BMS1: variants seen among roughly 807,000 people sequenced by gnomAD.
BMS1 encodes BMS1 ribosome biogenesis factor.
In BMS1, 53 loss-of-function variants were observed where a neutral mutation model predicts 138.7. The observed-to-expected ratio is 0.38, with a 90% CI of 0.31 to 0.48. The LOEUF (loss-of-function observed/expected upper bound fraction) is 0.48, where lower values mean the gene tolerates loss of function less well. Among genes scored for constraint, BMS1 ranks in the 20% least tolerant of loss-of-function variants. The pLI is 0.97. For synonymous variants in BMS1, 504 were observed against 539.9 expected, an observed-to-expected ratio of 0.93 and a Z score of 0.92; for missense variants, 1,360 against 1,565.5, an observed-to-expected ratio of 0.87 and a Z score of 2.22.
At chr10:42,794,406 C>T (rs1338665098) in intron 9 of BMS1, among the ~76,000 whole-genome samples, 1 of 151,870 alleles carries the variant, frequency 6.6e-6, no homozygotes, top group Non-Finnish European at 1.5e-5. Flanking sequence ...GGTAGGTTTC[C>T]GTGGATGTAT....
chr10:42,792,556 A>G lies in BMS1; in HGVS notation c.843A>G (p.Ser281=), dbSNP rs747696216. Residue 281 remains serine (S), a synonymous_variant, in exon 7 of 23, where the codon TCA becomes TCG. Coordinates refer to ENST00000374518, the MANE Select transcript of BMS1 (RefSeq NM_014753.4). Reference sequence around the variant, plus strand: ...ACATCAAATGTGACCGGAAGGTGTCACTTTATGGTTATTTAAGAGGAGCAC... The same window carrying G: ...ACATCAAATGTGACCGGAAGGTGTCGCTTTATGGTTATTTAAGAGGAGCAC... ...RTNIKCDRKV[S]LYGYLRGAHL... 6.8e-6 allele frequency: 11 copies of G among 1,611,636 alleles called. No homozygotes were observed. In the South Asian group the frequency reaches 9.9e-5, roughly 14 times the overall value.
rs1325042860 is a variant in BMS1, at chr10:42,797,162, G to A, written c.1918G>A (p.Asp640Asn). 2 of 1,613,508 alleles carry A rather than the reference G, an allele frequency of 1.2e-6. No individual in the cohort carries two copies. The highest frequency in any genetic ancestry group is 8.5e-7 in the Non-Finnish European group (1 of 1,179,872). ...GPQNFIDETSDIENLLKEEED... is the reference protein window; with the variant it reads ...GPQNFIDETSNIENLLKEEED... ...ACAGAACTTCATTGATGAGACCAGTGATATAGAAAATTTACTCAAAGAGGA... is the reference window on the plus strand; with the variant it reads ...ACAGAACTTCATTGATGAGACCAGTAATATAGAAAATTTACTCAAAGAGGA... Residue 640 changes from aspartate (D) to asparagine (N), a missense_variant, in exon 10 of 23, where the codon GAT becomes AAT. By Grantham distance (23) the Asp-to-Asn change is conservative (BLOSUM62 1). This residue lies in a region of BMS1 where 697 missense variants were observed against 686.2 expected (regional missense o/e 1.02). Transcript: ENST00000374518.
intron 3 of BMS1, among the ~76,000 whole-genome samples, chr10:42,786,298 C>T (rs544092366): frequency 2.0e-5 from 3 of 152,210 alleles, no homozygotes; most frequent in South Asian, 2.1e-4. Flanking sequence ...GTGACCTTTC[C>T]GAGTTTGAGG....
chr10:42,797,284 A>G, intron 10 of BMS1, 53 bp downstream of exon 10: 2 of 1,577,886 alleles, frequency 1.3e-6, no homozygotes, highest in Non-Finnish European at 1.7e-6. Flanking sequence ...CGAAATGGTA[A>G]CCAAAGGAAT....
At chr10:42,824,066 G>C (rs1361902672) in intron 21 of BMS1, among the ~76,000 whole-genome samples, 2 of 152,064 alleles carry the variant, frequency 1.3e-5, no homozygotes. Flanking sequence ...GATACATATA[G>C]ATAGTAAACT....
At position 42,820,981 on chromosome 10, in the gene BMS1, A is replaced by G; in HGVS notation, c.2998A>G (p.Ser1000Gly). 3 of 1,589,354 alleles carry G rather than the reference A, an allele frequency of 1.9e-6. No individual in the cohort carries two copies. The highest frequency in any genetic ancestry group is 2.6e-6 in the Non-Finnish European group (3 of 1,168,622). The change falls in exon 18 of 23, where the codon AGT (serine) becomes GGT (glycine). Residue 1000 changes from serine (S) to glycine (G), a missense_variant. By Grantham distance (56) the Ser-to-Gly change is moderately conservative. Coordinates refer to ENST00000374518, the MANE Select transcript of BMS1 (RefSeq NM_014753.4). ...TGGTTTCTTGGCAATACAGTCTGTC[A>G]GTGGCATAATGGTAACTATCTTGGA... ...GTGFLAIQSV[S>G]GIMPDFRIAA...
At chr10:42,830,501 C>T in intron 22 of BMS1, 79 bp downstream of exon 22, 1 of 1,516,472 alleles carries the variant, frequency 6.6e-7, no homozygotes, top group Non-Finnish European at 8.8e-7. Flanking sequence ...CCTGTTTCTA[C>T]TGTAGTCTCA....
rs879940551 is a variant in BMS1 at position 42,811,520 on chromosome 10, C to CTTTTTTTTTTT, written c.2330-5074_2330-5073insTTTTTTTTTTT. Among the ~76,000 whole-genome samples, 9 of 121,582 alleles carry CTTTTTTTTTTT rather than the reference C, an allele frequency of 7.4e-5. 1 individual carries two copies. Among genetic ancestry groups the CTTTTTTTTTTT allele is most frequent in the African/African-American group, 2.0e-4 (6 of 29,874 alleles). 79.8% of individuals were successfully genotyped at this position (121,582 alleles called of 152,430 possible). A position where few individuals can be genotyped will look rare whatever the true frequency, so the allele number is the denominator to read the frequency against. On this transcript the variant is annotated intron_variant, in intron 13 of 22. Coordinates refer to ENST00000374518, the MANE Select transcript of BMS1 (RefSeq NM_014753.4). Reference sequence around the variant, plus strand: ...CACAAATGTTCACGTGTTGTATTTTCTTTTTCTTTTTTTTTTTTTTTTGAG... The same window carrying CTTTTTTTTTTT: ...CACAAATGTTCACGTGTTGTATTTTCTTTTTTTTTTTTTTTTCTTTTTTTTTTTTTTTTGAG...
chr10:42,802,027 C>A, intron 12 of BMS1, 110 bp from the exon 13 acceptor site: 2 of 729,864 alleles, frequency 2.7e-6, no homozygotes, highest in Non-Finnish European at 4.6e-6. Flanking sequence ...TGAGAATATC[C>A]ATGAAAGTGG....
intron 13 of BMS1, among the ~76,000 whole-genome samples, chr10:42,815,271 G>A (rs1211079042): frequency 6.6e-6 from 1 of 152,182 alleles, no homozygotes; most frequent in African/African-American, 2.4e-5. Context: ...GTTAAGGCAA[G>A]GAAAGTACTT....
At chr10:42,811,641 C>G (rs950804316) in intron 13 of BMS1, among the ~76,000 whole-genome samples, 2 of 146,300 alleles carry the variant, frequency 1.4e-5, no homozygotes, top group African/African-American at 5.1e-5. Flanking sequence ...TCTCCTGCCT[C>G]AGCCTCCCAA....
intron 14 of BMS1, 121 bp from the exon 15 acceptor site, chr10:42,817,197 T>C: frequency 3.8e-6 from 3 of 798,754 alleles, no homozygotes; most frequent in Non-Finnish European, 6.0e-6. Context: ...TCTTTTGTTT[T>C]ATTGATAATG....
chr10:42,787,680 C>T (rs1841379048), intron 4 of BMS1, among the ~76,000 whole-genome samples: 1 of 152,148 alleles, frequency 6.6e-6, no homozygotes, highest in African/African-American at 2.4e-5. Context: ...CTGTAGTTTA[C>T]ATAAGATGAA....
In BMS1 at chr10:42,796,672, G is replaced by T; in HGVS notation, c.1428G>T (p.Gln476His). 6.2e-7 allele frequency: 1 copy of T among 1,614,186 alleles called. No individual in the cohort carries two copies. The highest frequency in any genetic ancestry group is 1.3e-5 in the African/African-American group (1 of 75,036). ...AGGAAAATGCTGAGATGACTGATCA[G>T]TATATGGCTGTTAAGGGCATCAAAC... is the stretch of plus-strand genomic sequence containing the variant. ...EEEENAEMTD[Q>H]YMAVKGIKRR... Residue 476 changes from glutamine (Q) to histidine (H), a missense_variant, in exon 10 of 23, where the codon CAG (glutamine) becomes CAT (histidine). Gln to His is a conservative substitution (Grantham distance 24). Transcript: ENST00000374518.
chr10:42,790,644 A>G (rs890448896), intron 5 of BMS1, 133 bp downstream of exon 5: 13 of 1,008,208 alleles, frequency 1.3e-5, no homozygotes, highest in Middle Eastern at 2.3e-4. Context: ...ACTTGAGCCT[A>G]GAGTTTTGAG....
rs144727069 is a variant in BMS1 at position 42,824,534 on chromosome 10, C to T, written c.3456+750C>T. 6.0e-3 allele frequency among the ~76,000 whole-genome samples: 908 copies of T among 152,182 alleles called. 10 individuals carry two copies. The highest frequency in any genetic ancestry group is 0.021 in the African/African-American group (854 of 41,532). ...TACATTTGTAGCCTGGCTTGTGGTG[C>T]GATATCCAAAAAATTATTGCTAAGG... On this transcript the variant is annotated intron_variant, in intron 21 of 22. Coordinates refer to ENST00000374518, the MANE Select transcript of BMS1 (RefSeq NM_014753.4).
rs747527498 is a variant in BMS1 at position 42,820,297 on chromosome 10, G to T, written c.2642G>T (p.Arg881Leu). The T allele has an allele frequency of 3.1e-6, 5 of 1,613,572 alleles. No homozygotes were observed. The highest frequency in any genetic ancestry group is 4.2e-6 in the Non-Finnish European group (5 of 1,179,842). Residue 881 changes from arginine to leucine, a missense_variant, in exon 16 of 23, where the codon CGA becomes CTA. By Grantham distance (102) the Arg-to-Leu change is moderately radical (BLOSUM62 -2). Transcript: ENST00000374518. ...GCCAGAGTTCAGTATGAGGGTTTTC[G>T]ACCTGGGATGTACGTCCGCATTGAG... Reference protein sequence around the residue: ...DEARVQYEGFRPGMYVRIEIE... With the variant: ...DEARVQYEGFLPGMYVRIEIE...
rs1195545550 is a variant in BMS1, at chr10:42,834,174, T to A, written c.*3078T>A. The A allele has an allele frequency of 1.3e-5, 2 of 152,234 alleles. No individual in the cohort carries two copies. The highest frequency in any genetic ancestry group is 2.9e-5 in the Non-Finnish European group (2 of 68,046). 9.4% of individuals were successfully genotyped at this position (152,234 alleles called of 1,614,324 possible). On this transcript the variant is annotated 3_prime_UTR_variant, in exon 23 of 23. Coordinates refer to ENST00000374518, the MANE Select transcript of BMS1 (RefSeq NM_014753.4). The stretch of plus-strand genomic sequence containing the variant: ...ACAGTGTACATATCATTCCATGCCA[T>A]TAAATATTCTTATTTAATCATAGAT...
rs1261234366 is a variant in BMS1, at chr10:42,797,496, A to G, written c.2062A>G (p.Asn688Asp). 2 of 1,614,098 alleles carry G rather than the reference A, an allele frequency of 1.2e-6. No individual in the cohort carries two copies. Among genetic ancestry groups the G allele is most frequent in the East Asian group, 2.2e-5 (1 of 44,898 alleles). The change falls in exon 11 of 23, where the codon AAC (asparagine) becomes GAC (aspartate). Residue 688 changes from asparagine to aspartate, a missense_variant. Coordinates refer to ENST00000374518, the MANE Select transcript of BMS1 (RefSeq NM_014753.4). Reference sequence around the variant, plus strand: ...TCTGAGGCAGCAGCAAGCAGCTCCAAACCTCCGAAAGCTTATTTATGGGAC... The same window carrying G: ...TCTGAGGCAGCAGCAAGCAGCTCCAGACCTCCGAAAGCTTATTTATGGGAC... ...AFLRQQQAAP[N>D]LRKLIYGTVT...
Sources: allele counts gnomAD v4.1 joint callset (sites outside exome capture counted in the v4.1 genomes callset), GRCh38; gene constraint gnomAD v4.1.1; regional missense constraint gnomAD v4.1.1; transcripts MANE v1.5; gene names NCBI Gene and HGNC (gene_info 2026-07-23, HGNC 2026-07-21).